The following SLIT3 variants were observed in gnomAD, a reference collection of about 807,000 sequenced individuals.
The protein encoded by SLIT3 is slit guidance ligand 3.
In SLIT3, 68 loss-of-function variants were observed where a neutral mutation model predicts 184.0. The observed-to-expected ratio is 0.37, with a 90% confidence interval of 0.30 to 0.45. The LOEUF is 0.45. Ranked by LOEUF, SLIT3 falls within the 20% of genes least tolerant of loss-of-function variation. SLIT3 has a pLI of 1.00. For synonymous variants in SLIT3, 831 were observed against 828.6 expected, an observed-to-expected ratio of 1.00 and a Z score of -0.05; for missense variants, 1,707 against 2,026.0, an observed-to-expected ratio of 0.84 and a Z score of 3.02.
chr5:169,058,862 CAGG>C (rs1236175979), intron 4 of SLIT3, among the ~76,000 whole-genome samples: 2 of 152,304 alleles, frequency 1.3e-5, no homozygotes, highest in South Asian at 2.1e-4. Context: ...ATGCATCTCT[CAGG>C]AGAAGGACTT....
At chr5:168,698,934 G>A (rs779532041) in intron 27 of SLIT3, among the ~76,000 whole-genome samples, 3 of 152,158 alleles carry the variant, frequency 2.0e-5, no homozygotes, top group East Asian at 1.9e-4. Context: ...CTGCTCAACC[G>A]AACCTCCAGC....
In SLIT3 at chr5:168,835,654, C is replaced by CA. The variant is rs1293237731; in HGVS notation, c.557+8929dup. Among the ~76,000 whole-genome samples the CA allele has an allele frequency of 5.9e-5, 9 of 151,616 alleles. No homozygotes were observed. In the East Asian group the frequency reaches 7.8e-4, roughly 13 times the overall value. Reference sequence around the variant, plus strand: ...TGAAACCCCGTCTCTACTAAAAATACAAAAAAATTAGCCAGACGTGGTGGC... The same window carrying CA: ...TGAAACCCCGTCTCTACTAAAAATACAAAAAAAATTAGCCAGACGTGGTGGC... On this transcript the variant is annotated intron_variant, in intron 6 of 35. Coordinates refer to ENST00000519560, the MANE Select transcript of SLIT3 (RefSeq NM_003062.4).
chr5:168,763,390 A>G (rs1755226755), intron 14 of SLIT3, among the ~76,000 whole-genome samples: 2 of 152,158 alleles, frequency 1.3e-5, no homozygotes. Context: ...TTTTAAAAAG[A>G]GAATCCATAT....
intron 12 of SLIT3, among the ~76,000 whole-genome samples, chr5:168,784,397 G>A (rs1425487801): frequency 6.6e-6 from 1 of 152,146 alleles, no homozygotes; most frequent in Non-Finnish European, 1.5e-5. Context: ...GACACACACA[G>A]AGTGGGGCAG....
intron 16 of SLIT3, among the ~76,000 whole-genome samples, chr5:168,755,389 A>ATTTCTTTCTTTC (rs139729506): frequency 0.012 from 1,644 of 133,718 alleles, 52 homozygotes; most frequent in East Asian, 0.026. Flanking sequence ...CAGTGCCGCC[A>ATTTCTTTCTTTC]TTTCTTTCTT....
intron 4 of SLIT3, among the ~76,000 whole-genome samples, chr5:168,911,232 A>G (rs1008824238): frequency 1.3e-5 from 2 of 152,174 alleles, no homozygotes; most frequent in Admixed American, 1.3e-4. Context: ...TAATAGATAT[A>G]TGTATGTTAA....
chr5:168,822,292 C>A (rs1434867725), intron 7 of SLIT3, among the ~76,000 whole-genome samples: 1 of 152,194 alleles, frequency 6.6e-6, no homozygotes, highest in Non-Finnish European at 1.5e-5. Context: ...GCTTGCCAGG[C>A]ACTTTAAATA....
At chr5:169,127,770 T>G (rs1366557244) in intron 4 of SLIT3, among the ~76,000 whole-genome samples, 1 of 152,200 alleles carries the variant, frequency 6.6e-6, no homozygotes, top group Non-Finnish European at 1.5e-5. Flanking sequence ...AAAGTTCACT[T>G]AAGTTCAGAG....
intron 4 of SLIT3, among the ~76,000 whole-genome samples, chr5:169,019,824 TGA>T (rs960808588): frequency 3.9e-5 from 6 of 152,254 alleles, no homozygotes; most frequent in African/African-American, 1.4e-4. Flanking sequence ...TAAATATGTT[TGA>T]GTCTTTTTAT....
chr5:169,252,509 C>T (rs539318466), intron 1 of SLIT3, among the ~76,000 whole-genome samples: 1 of 152,220 alleles, frequency 6.6e-6, no homozygotes, highest in Admixed American at 6.5e-5. Flanking sequence ...TCCGTGTTCA[C>T]TAAAATAATC....
intron 4 of SLIT3, among the ~76,000 whole-genome samples, chr5:169,159,410 G>A (rs1031817281): frequency 2.0e-5 from 3 of 151,892 alleles, no homozygotes; most frequent in Admixed American, 6.6e-5. Flanking sequence ...TGGGCAACAA[G>A]AGCGAAACTC....
intron 4 of SLIT3, among the ~76,000 whole-genome samples, chr5:169,188,656 C>A (rs978697798): frequency 1.3e-5 from 2 of 152,192 alleles, no homozygotes; most frequent in African/African-American, 4.8e-5. Flanking sequence ...CCCCAGCATA[C>A]GCACTACTCT....
intron 4 of SLIT3, among the ~76,000 whole-genome samples, chr5:168,885,410 C>T (rs1392143235): frequency 1.3e-5 from 2 of 152,226 alleles, no homozygotes; most frequent in Non-Finnish European, 2.9e-5. Context: ...ACAAAGCCCA[C>T]GATGACAGCA....
intron 5 of SLIT3, among the ~76,000 whole-genome samples, chr5:168,863,765 A>T (rs1759196877): frequency 6.6e-6 from 1 of 152,216 alleles, no homozygotes; most frequent in Non-Finnish European, 1.5e-5. Context: ...TGTTACACAA[A>T]TATATGCACA....
At chr5:169,002,352 A>AAAAG in intron 4 of SLIT3, among the ~76,000 whole-genome samples, 1 of 147,966 alleles carries the variant, frequency 6.8e-6, no homozygotes, top group African/African-American at 2.5e-5. Flanking sequence ...AAAAAAAAAA[A>AAAAG]AAAGAAAAAA....
intron 4 of SLIT3, among the ~76,000 whole-genome samples, chr5:168,935,146 A>AC (rs1246128952): frequency 1.3e-5 from 2 of 150,334 alleles, no homozygotes; most frequent in Admixed American, 6.6e-5. Flanking sequence ...TCAAAAAAAA[A>AC]AAACAAAAAA....
intron 1 of SLIT3, among the ~76,000 whole-genome samples, chr5:169,284,167 T>A (rs1377351451): frequency 6.6e-6 from 1 of 152,220 alleles, no homozygotes; most frequent in Non-Finnish European, 1.5e-5. Flanking sequence ...ATCTATCCGG[T>A]GAGGAAAGAA....
chr5:169,212,009 T>C (rs1425637926), intron 3 of SLIT3, among the ~76,000 whole-genome samples: 1 of 152,116 alleles, frequency 6.6e-6, no homozygotes, highest in Non-Finnish European at 1.5e-5. Flanking sequence ...ATTTTCTTTA[T>C]CCAGTGTATC....
rs568593064 is a variant in SLIT3 at position 169,278,239 on chromosome 5, C to T, written c.197+22274G>A. 1.2e-3 allele frequency among the ~76,000 whole-genome samples: 180 copies of T among 152,316 alleles called. 1 individual carries two copies. Among genetic ancestry groups the T allele is most frequent in the African/African-American group, 4.0e-3 (167 of 41,570 alleles). On this transcript the variant is annotated intron_variant, in intron 1 of 35. Coordinates refer to ENST00000519560, the MANE Select transcript of SLIT3 (RefSeq NM_003062.4). Reference sequence around the variant, plus strand: ...TAGGGGGCTTTCCTCCAGCGACCATCTGTACCACCTTTCTGCATTGTTTCC... The same window carrying T: ...TAGGGGGCTTTCCTCCAGCGACCATTTGTACCACCTTTCTGCATTGTTTCC...
Sources: gnomAD v4.1 joint callset for allele counts (sites outside exome capture counted in the v4.1 genomes callset) on GRCh38, gnomAD v4.1.1 for gene constraint, MANE v1.5 for transcripts, NCBI Gene and HGNC (gene_info 2026-07-23, HGNC 2026-07-21) for gene names.